Variants in WDR86 observed in about 807,000 individuals in gnomAD.
WDR86 encodes the protein WD repeat-containing protein 86.
A neutral mutation model predicts 36.5 loss-of-function variants in WDR86; 30 were observed. The ratio of observed to expected loss-of-function variants is 0.82; its 90% confidence interval spans 0.61 to 1.11. The LOEUF is 1.11. Among genes scored for constraint, WDR86 ranks in the 50% most tolerant of loss-of-function variants. The pLI is 0.00. For synonymous variants in WDR86, 255 were observed against 252.9 expected, an observed-to-expected ratio of 1.01 and a Z score of -0.08; for missense variants, 545 against 561.2, an observed-to-expected ratio of 0.97 and a Z score of 0.29.
intron 2 of WDR86, among the ~76,000 whole-genome samples, chr7:151,398,721 ATGTG>A (rs1800074752): frequency 6.6e-6 from 1 of 151,900 alleles, no homozygotes; most frequent in Non-Finnish European, 1.5e-5. Flanking sequence ...GCACATGTGT[ATGTG>A]TAAGTTGTGT....
intron 3 of WDR86, among the ~76,000 whole-genome samples, chr7:151,392,374 C>T (rs1049841562): frequency 1.3e-5 from 2 of 151,994 alleles, no homozygotes; most frequent in Non-Finnish European, 2.9e-5. Context: ...GGAACAGGAA[C>T]CTCCCTCCCT....
chr7:151,405,148 T>C lies in WDR86; in HGVS notation c.163+4279A>G, dbSNP rs1800618209. 6.6e-6 allele frequency among the ~76,000 whole-genome samples: 1 copy of C among 152,074 alleles called. No homozygotes were observed. ...CCTCTTTTCCACCCTGCCACCGCCATCTGCATGGACTTCACAGTGGGCTCA... is the reference window on the plus strand; with the variant it reads ...CCTCTTTTCCACCCTGCCACCGCCACCTGCATGGACTTCACAGTGGGCTCA... On this transcript the variant is annotated intron_variant, in intron 1 of 5. Coordinates refer to ENST00000334493, the MANE Select transcript of WDR86 (RefSeq NM_198285.3). This position sits in a 1 kb window ranked among gnomAD's most constrained non-coding sequence, Gnocchi z 4.7.
chr7:151,390,127 A>G lies in WDR86; in HGVS notation c.727-4904T>C, dbSNP rs1053422089. On this transcript the variant is annotated intron_variant, in intron 3 of 5. Coordinates refer to ENST00000334493, the MANE Select transcript of WDR86 (RefSeq NM_198285.3). This position sits in a 1 kb window ranked among gnomAD's most constrained non-coding sequence, Gnocchi z 4.5. Reference sequence around the variant, plus strand: ...GGGTGTAATGGCCAGCCCTGGTGCCACGAACCAAGGGACAGTCAGAGCTCG... The same window carrying G: ...GGGTGTAATGGCCAGCCCTGGTGCCGCGAACCAAGGGACAGTCAGAGCTCG... Among the ~76,000 whole-genome samples, 1 of 152,188 alleles carries G rather than the reference A, an allele frequency of 6.6e-6. No individual in the cohort carries two copies. The highest frequency in any genetic ancestry group is 2.4e-5 in the African/African-American group (1 of 41,458).
Position 151,406,572 on chromosome 7 carries a change from A to AC in WDR86, c.163+2854_163+2855insG, listed in dbSNP as rs1800719251. 6.6e-6 allele frequency among the ~76,000 whole-genome samples: 1 copy of AC among 152,174 alleles called. No homozygotes were observed. Among genetic ancestry groups the AC allele is most frequent in the Admixed American group, 6.5e-5 (1 of 15,282 alleles). On this transcript the variant is annotated intron_variant, in intron 1 of 5. Transcript: ENST00000334493. The surrounding 1 kb of genome is among the most constrained non-coding windows in gnomAD (Gnocchi z 4.4). The stretch of plus-strand genomic sequence containing the variant: ...GGGATGGGGCCACCACAGACCAGCC[A>AC]TGTGGTCTGGACACAACTTCCCCCA...
chr7:151,389,429 G>A (rs1318128710), intron 3 of WDR86, among the ~76,000 whole-genome samples: 4 of 152,178 alleles, frequency 2.6e-5, no homozygotes, highest in Non-Finnish European at 4.4e-5. Context: ...CAGCTCAAAC[G>A]CACCATCGCC....
downstream of WDR86, among the ~76,000 whole-genome samples, chr7:151,371,188 GCAA>G (rs141724967): frequency 6.6e-5 from 10 of 152,164 alleles, no homozygotes; most frequent in South Asian, 2.1e-4. Context: ...TTGGCTGAAA[GCAA>G]CAACAACAAC....
At chr7:151,380,093 C>T (rs576422731), downstream of WDR86, among the ~76,000 whole-genome samples, 20 of 152,328 alleles carry the variant, frequency 1.3e-4, no homozygotes, top group South Asian at 3.5e-3. Context: ...AAGTCTCACC[C>T]GGAGAACAGT....
Position 151,409,757 on chromosome 7 carries a change from C to T in WDR86, c.-168G>A. On this transcript the variant is annotated 5_prime_UTR_variant, in exon 1 of 6. Transcript: ENST00000334493. The surrounding 1 kb of genome is among the most constrained non-coding windows in gnomAD (Gnocchi z 5.2). ...AGGGGAGGGTGAAGGACCCTAGCTC[C>T]CCGCTGCCTCCAGCCTCTGGGCCCG... 7.8e-7 allele frequency: 1 copy of T among 1,282,356 alleles called. No individual in the cohort carries two copies. The highest frequency in any genetic ancestry group is 9.8e-7 in the Non-Finnish European group (1 of 1,018,800). 79.4% of individuals were successfully genotyped at this position (1,282,356 alleles called of 1,614,324 possible).
At chr7:151,396,404 C>G (rs149354971) in intron 2 of WDR86, among the ~76,000 whole-genome samples, 1,579 of 152,340 alleles carry the variant, frequency 0.01, 36 homozygotes, top group African/African-American at 0.035. Flanking sequence ...CCCTTCCTTG[C>G]CTGCCCCTGG....
chr7:151,409,299 C>G lies in WDR86; in HGVS notation c.163+128G>C, dbSNP rs1276353750. On this transcript the variant is annotated intron_variant, in intron 1 of 5. Transcript: ENST00000334493. This position sits in a 1 kb window ranked among gnomAD's most constrained non-coding sequence, Gnocchi z 5.2. Reference sequence around the variant, plus strand: ...TGCTGGGCCCAGACAAGCGCTCTTCCGCTAGTGTGCCGGGATGAGCGGGGG... The same window carrying G: ...TGCTGGGCCCAGACAAGCGCTCTTCGGCTAGTGTGCCGGGATGAGCGGGGG... 7 of 1,419,256 alleles carry G rather than the reference C, an allele frequency of 4.9e-6. No individual in the cohort carries two copies. The highest frequency in any genetic ancestry group is 6.7e-6 in the Non-Finnish European group (7 of 1,040,330). 87.9% of individuals were successfully genotyped at this position (1,419,256 alleles called of 1,614,324 possible).
At position 151,385,846 on chromosome 7, in the gene WDR86, G is replaced by A. The variant is rs78987684; in HGVS notation, c.727-623C>T. Among the ~76,000 whole-genome samples, 1,472 of 152,272 alleles carry A rather than the reference G, an allele frequency of 9.7e-3. 27 individuals carry two copies. The highest frequency in any genetic ancestry group is 0.033 in the African/African-American group (1,369 of 41,546). On this transcript the variant is annotated intron_variant, in intron 3 of 5. Transcript: ENST00000334493. ...CCAGGAGACAAGGGAAGAGGCCCTC[G>A]CCAAGATGGACGGGAGTAGCGGCCC...
At chr7:151,403,375 A>G (rs6464140) in intron 1 of WDR86, among the ~76,000 whole-genome samples, 52,052 of 152,078 alleles carry the variant, frequency 0.34, 10,352 homozygotes, top group African/African-American at 0.56. Context: ...TTTGGGGGAC[A>G]TACTTATTAC....
intron 4 of WDR86, among the ~76,000 whole-genome samples, chr7:151,382,922 A>G (rs1231022851): frequency 6.6e-6 from 1 of 151,388 alleles, no homozygotes; most frequent in East Asian, 1.9e-4. Flanking sequence ...ACCTGAGGGT[A>G]AGGGTGCTGG....
At chr7:151,369,010 T>A in the WDR86 span, 1 of 1,130,912 alleles carries the variant, frequency 8.8e-7, no homozygotes, top group Non-Finnish European at 1.2e-6. Flanking sequence ...GAGAAACTTG[T>A]CCTTTTTTTT....
downstream of WDR86, chr7:151,377,010 C>T (rs993116783): frequency 4.0e-6 from 6 of 1,491,020 alleles, no homozygotes; most frequent in Admixed American, 2.3e-5. Flanking sequence ...GGACAATCCT[C>T]ACATAATTCA....
At position 151,388,457 on chromosome 7, in the gene WDR86, C is replaced by T. The variant is rs893853990; in HGVS notation, c.727-3234G>A. Among the ~76,000 whole-genome samples the T allele has an allele frequency of 0.17, 17 of 98 alleles. No individual in the cohort carries two copies. Among genetic ancestry groups the T allele is most frequent in the East Asian group, 0.5 (1 of 2 alleles). The allele number at this position is 98 out of a possible 152,430, so 0.1% of individuals were successfully genotyped here. Reference sequence around the variant, plus strand: ...AGCAGGGGAGAGGGCTGCCCTGCAGCGCAGGGCCACCACAGACAGGGTGCC... The same window carrying T: ...AGCAGGGGAGAGGGCTGCCCTGCAGTGCAGGGCCACCACAGACAGGGTGCC... On this transcript the variant is annotated intron_variant, in intron 3 of 5. Transcript: ENST00000334493. The surrounding 1 kb of genome is among the most constrained non-coding windows in gnomAD (Gnocchi z 4.2).
At chr7:151,408,378 A>G (rs1293554717) in intron 1 of WDR86, among the ~76,000 whole-genome samples, 1 of 151,704 alleles carries the variant, frequency 6.6e-6, no homozygotes, top group African/African-American at 2.4e-5. Flanking sequence ...TTGTATTTTT[A>G]TTAGACACAG....
At chr7:151,387,672 C>CG (rs1752883227) in intron 3 of WDR86, among the ~76,000 whole-genome samples, 1 of 152,098 alleles carries the variant, frequency 6.6e-6, no homozygotes, top group Admixed American at 6.5e-5. Context: ...TCCACCTCCC[C>CG]GGGCTCCAAG....
chr7:151,410,079 C>G (rs899405123), upstream of WDR86: 1 of 985,976 alleles, frequency 1.0e-6, no homozygotes, highest in Non-Finnish European at 1.2e-6. Flanking sequence ...TCACCCGATC[C>G]CCTCCCACTT....
Sources: gnomAD v4.1 joint callset for allele counts (sites outside exome capture counted in the v4.1 genomes callset) on GRCh38, gnomAD v4.1.1 for gene constraint, Gnocchi (gnomAD v3.1) non-coding constraint, MANE v1.5 for transcripts, NCBI Gene and HGNC (gene_info 2026-07-23, HGNC 2026-07-21) for gene names.